Variants in GNS observed in about 807,000 individuals in gnomAD.
The protein encoded by GNS is glucosamine (N-acetyl)-6-sulfatase.
A neutral mutation model predicts 69.7 loss-of-function variants in GNS; 40 were observed. That is an observed-to-expected ratio of 0.57 (90% confidence interval 0.45 to 0.75). The LOEUF is 0.75. Ranked by LOEUF, GNS falls within the 30% of genes least tolerant of loss-of-function variation. The probability of loss-of-function intolerance (pLI) is 0.00; values close to 1 mark genes in which losing one functional copy is unlikely to be tolerated. For missense variants in GNS, 565 were observed against 685.5 expected (o/e 0.82, Z 1.96); for synonymous variants, 243 against 251.6 (o/e 0.97, Z 0.32).
At chr12:64,733,987 G>C (rs1268641338) in intron 9 of GNS, among the ~76,000 whole-genome samples, 2 of 152,198 alleles carry the variant, frequency 1.3e-5, no homozygotes, top group African/African-American at 4.8e-5. Flanking sequence ...TGATCTGGCT[G>C]TCAAGGCTGC....
At chr12:64,741,901 C>T (rs1869749014) in intron 6 of GNS, among the ~76,000 whole-genome samples, 1 of 152,204 alleles carries the variant, frequency 6.6e-6, no homozygotes, top group Admixed American at 6.5e-5. Flanking sequence ...TCAAACTTTC[C>T]AAACTTACTT....
rs148393681 is a variant in GNS at position 64,742,210 on chromosome 12, T to C, written c.792+931A>G. 7.4e-3 allele frequency among the ~76,000 whole-genome samples: 1,123 copies of C among 152,112 alleles called. 11 individuals carry two copies. The highest frequency in any genetic ancestry group is 0.014 in the African/African-American group (567 of 41,528). On this transcript the variant is annotated intron_variant, in intron 6 of 13. Transcript: ENST00000258145. Reference sequence around the variant, plus strand: ...TAATTTTTTGTACTTTTAGTAGAGATGGGGTTTCACTGTGTTAGCCAGGAT... The same window carrying C: ...TAATTTTTTGTACTTTTAGTAGAGACGGGGTTTCACTGTGTTAGCCAGGAT...
intron 9 of GNS, among the ~76,000 whole-genome samples, chr12:64,735,767 A>G (rs546524506): frequency 4.6e-5 from 7 of 152,346 alleles, no homozygotes; most frequent in Non-Finnish European, 8.8e-5. Flanking sequence ...AAACTTGCTT[A>G]TCTCCTTTGA....
In GNS at chr12:64,716,771, C is replaced by G. The variant is rs778448292; in HGVS notation, c.1629G>C (p.Arg543Ser). The change falls in exon 14 of 14, where the codon AGG (arginine) becomes AGC (serine). Residue 543 changes from arginine (R) to serine (S), a missense_variant. Physicochemically the swap from Arg to Ser is moderately radical, Grantham distance 110 (BLOSUM62 -1). Around this residue, in one of 2 missense-constraint regions of GNS, gnomAD observed 384 missense variants for 511.0 expected, o/e 0.75. Transcript: ENST00000258145. ...GAAGATGTTTGGAAAATCTTCGAGT[C>G]CTGACACTGCCGCGATTGCTGAACA... ...RLMFSNRGSV[R>S]TRRFSKHLL 10 of 1,613,530 alleles carry G rather than the reference C, an allele frequency of 6.2e-6. No individual in the cohort carries two copies. The South Asian group carries it at 1.1e-4, about 18-fold the overall frequency.
chr12:64,732,253 T>G (rs1214900032), intron 9 of GNS, among the ~76,000 whole-genome samples: 1 of 147,500 alleles, frequency 6.8e-6, no homozygotes, highest in African/African-American at 2.5e-5. Flanking sequence ...CTGCAAGCTC[T>G]GCCTCCCGGT....
intron 11 of GNS, among the ~76,000 whole-genome samples, chr12:64,722,633 C>A (rs2136237737): frequency 6.6e-6 from 1 of 152,282 alleles, no homozygotes; most frequent in Middle Eastern, 3.4e-3. Flanking sequence ...GCGAGGCACT[C>A]ATAATGGCAT....
rs973687079 is a variant in GNS, at chr12:64,713,540, CACAGAGCAAGG to C, written c.*3190_*3200del. 1 of 152,552 alleles carries C rather than the reference CACAGAGCAAGG, an allele frequency of 6.6e-6. No individual in the cohort carries two copies. Among genetic ancestry groups the C allele is most frequent in the African/African-American group, 2.4e-5 (1 of 41,414 alleles). 9.4% of individuals were successfully genotyped at this position (152,552 alleles called of 1,614,324 possible). On this transcript the variant is annotated 3_prime_UTR_variant, in exon 14 of 14. Coordinates refer to ENST00000258145, the MANE Select transcript of GNS (RefSeq NM_002076.4). ...TTTCTAAGTCAAATGACTGAGATGA[CACAGAGCAAGG>C]GCAGAATAGGAACAGAGGATGCAAA...
intron 2 of GNS, among the ~76,000 whole-genome samples, chr12:64,749,825 C>G (rs1870019887): frequency 6.6e-6 from 1 of 151,340 alleles, no homozygotes; most frequent in South Asian, 2.1e-4. Flanking sequence ...AATTTTATGG[C>G]CAGTACACAG....
At chr12:64,753,192 A>G (rs1005940740) in intron 1 of GNS, among the ~76,000 whole-genome samples, 2 of 152,168 alleles carry the variant, frequency 1.3e-5, no homozygotes, top group African/African-American at 4.8e-5. Flanking sequence ...AGACTGATTC[A>G]AACCTCACAC....
At chr12:64,725,590 A>C (rs1401735833) in intron 10 of GNS, among the ~76,000 whole-genome samples, 1 of 152,216 alleles carries the variant, frequency 6.6e-6, no homozygotes, top group South Asian at 2.1e-4. Flanking sequence ...AAAACAAAAC[A>C]TGAACAAGGA....
intron 11 of GNS, among the ~76,000 whole-genome samples, chr12:64,722,043 C>T (rs375988719): frequency 1.0e-4 from 15 of 147,418 alleles, no homozygotes; most frequent in East Asian, 7.9e-4. Flanking sequence ...TTTTTTTTTG[C>T]GATGGAGTTT....
Position 64,743,148 on chromosome 12 carries a change from T to C in GNS, c.785A>G (p.His262Arg), listed in dbSNP as rs766352448. 7.4e-6 allele frequency: 12 copies of C among 1,611,088 alleles called. No homozygotes were observed. The highest frequency in any genetic ancestry group is 4.4e-5 in the South Asian group (4 of 91,026). Residue 262 changes from histidine (H) to arginine (R), a missense_variant, in exon 6 of 14, where the codon CAT (histidine) becomes CGT (arginine). His to Arg is a conservative substitution (Grantham distance 29). This residue lies in a region of GNS where 384 missense variants were observed against 511.0 expected (regional missense o/e 0.75). Coordinates refer to ENST00000258145, the MANE Select transcript of GNS (RefSeq NM_002076.4). The stretch of plus-strand genomic sequence containing the variant: ...AGTGGTGGGGGAAGCTACCGTTCCA[T>C]GGATGTTGAAGTTCTTGTTTCTTGG... ...FAPRNKNFNI[H>R]GTNKHWLIRQ...
intron 4 of GNS, 43 bp from the exon 5 acceptor site, chr12:64,744,950 A>G (rs761628736): frequency 6.9e-6 from 6 of 867,926 alleles, no homozygotes; most frequent in African/African-American, 4.9e-5. Context: ...AGGTCAGTGC[A>G]CAAAGTGGAA....
At chr12:64,727,574 G>A (rs568909348) in intron 10 of GNS, among the ~76,000 whole-genome samples, 1 of 152,126 alleles carries the variant, frequency 6.6e-6, no homozygotes, top group South Asian at 2.1e-4. Context: ...ACAGAAGAAG[G>A]TACTGACACG....
chr12:64,757,663 C>T (rs1870297487), intron 1 of GNS, among the ~76,000 whole-genome samples: 1 of 152,126 alleles, frequency 6.6e-6, no homozygotes, highest in Admixed American at 6.5e-5. Flanking sequence ...ATATATTTTA[C>T]AACTCGGGAA....
intron 5 of GNS, 27 bp downstream of exon 5, chr12:64,744,782 C>G (rs1453673509): frequency 3.0e-6 from 3 of 1,008,134 alleles, no homozygotes; most frequent in Admixed American, 3.4e-5. Flanking sequence ...CCTGTAAGGA[C>G]AGAGCTACAA....
chr12:64,759,162 C>T lies in GNS; in HGVS notation c.115G>A (p.Gly39Arg), dbSNP rs766442530. 18 of 1,554,674 alleles carry T rather than the reference C, an allele frequency of 1.2e-5. No individual in the cohort carries two copies. The highest frequency in any genetic ancestry group is 2.2e-4 in the Middle Eastern group (1 of 4,538). ...LVLGGCLGVF[G>R]VAAGTRRPNV... ...GGCCTCCGGGTTCCCGCAGCCACCC[C>T]GAAGACCCCCAGGCAGCCGCCCAGC... Residue 39 changes from glycine (G) to arginine (R), a missense_variant, in exon 1 of 14, where the codon GGG (glycine) becomes AGG (arginine). Transcript: ENST00000258145.
intron 3 of GNS, 29 bp from the exon 4 acceptor site, chr12:64,745,753 A>T: frequency 7.1e-7 from 1 of 1,408,322 alleles, no homozygotes; most frequent in Non-Finnish European, 1.0e-6. Context: ...AGGGACAATT[A>T]CAAGTCCTTA....
In GNS at chr12:64,752,729, ATGAGAGC is replaced by A. The variant is rs759378094; in HGVS notation, c.214_220del (p.Ala72SerfsTer6). ...GGAAAAAGTCATCCCCATCTCTCCG[ATGAGAGC>A]TTTGGTTTTCTTTAGCGGTGTCTGT... On this transcript the variant is annotated frameshift_variant, in exon 2 of 14. Coordinates refer to ENST00000258145, the MANE Select transcript of GNS (RefSeq NM_002076.4). LOFTEE classifies it high-confidence loss of function. 1 of 1,538,030 alleles carries A rather than the reference ATGAGAGC, an allele frequency of 6.5e-7. No individual in the cohort carries two copies. Among genetic ancestry groups the A allele is most frequent in the African/African-American group, 1.4e-5 (1 of 73,112 alleles).
Sources: allele counts gnomAD v4.1 joint callset (sites outside exome capture counted in the v4.1 genomes callset), GRCh38; gene constraint gnomAD v4.1.1; regional missense constraint gnomAD v4.1.1; transcripts MANE v1.5; gene names NCBI Gene and HGNC (gene_info 2026-07-23, HGNC 2026-07-21).